The following CTTNBP2 variants were observed in gnomAD, a reference collection of about 807,000 sequenced individuals.
CTTNBP2 encodes the protein cortactin-binding protein 2.
CTTNBP2 carries 108 observed loss-of-function variants against 156.9 expected under a neutral mutation model. The ratio of observed to expected loss-of-function variants is 0.69; its 90% CI spans 0.59 to 0.81. The LOEUF (loss-of-function observed/expected upper bound fraction) is 0.81, where lower values mean the gene tolerates loss of function less well. Ranked by LOEUF, CTTNBP2 falls within the 30% of genes least tolerant of loss-of-function variation. The pLI, the probability that CTTNBP2 is intolerant of heterozygous loss-of-function variation, is 0.00. For synonymous variants in CTTNBP2, 767 were observed against 751.8 expected (o/e 1.02, Z -0.33); for missense variants, 1,924 against 2,035.4 (o/e 0.95, Z 1.05).
In CTTNBP2 at chr7:117,791,895, T is replaced by A. The variant is rs1799040245; in HGVS notation, c.1301A>T (p.Asn434Ile). The A allele has an allele frequency of 6.2e-7, 1 of 1,614,064 alleles. No individual in the cohort carries two copies. The highest frequency in any genetic ancestry group is 1.7e-5 in the Admixed American group (1 of 60,006). Reference protein sequence around the residue: ...PMHSLHSPCANTSLHPGLNPR... With the variant: ...PMHSLHSPCAITSLHPGLNPR... ...GTTTAGACCTGGATGCAAAGAGGTG[T>A]TGGCACATGGTGAATGTAAACTGTG... Residue 434 changes from asparagine (N) to isoleucine (I), a missense_variant, in exon 4 of 23, where the codon AAC (asparagine) becomes ATC (isoleucine). Physicochemically the swap from Asn to Ile is moderately radical, Grantham distance 149. Coordinates refer to ENST00000160373, the MANE Select transcript of CTTNBP2 (RefSeq NM_033427.3).
intron 2 of CTTNBP2, among the ~76,000 whole-genome samples, chr7:117,819,134 G>A (rs1295470529): frequency 6.6e-6 from 1 of 152,070 alleles, no homozygotes; most frequent in African/African-American, 2.4e-5. Flanking sequence ...CTATCCAGCT[G>A]TAACTCTCTG....
At chr7:117,823,397 C>T (rs1801085598) in intron 2 of CTTNBP2, among the ~76,000 whole-genome samples, 1 of 151,942 alleles carries the variant, frequency 6.6e-6, no homozygotes, top group African/African-American at 2.4e-5. Flanking sequence ...TTAAAATTTG[C>T]TTTAATAGCT....
intron 2 of CTTNBP2, among the ~76,000 whole-genome samples, chr7:117,836,004 T>A (rs1281971427): frequency 6.6e-6 from 1 of 152,204 alleles, no homozygotes; most frequent in Non-Finnish European, 1.5e-5. Flanking sequence ...ACAGGCCATG[T>A]TGCCTGACAC....
intron 19 of CTTNBP2, among the ~76,000 whole-genome samples, chr7:117,721,923 A>G (rs73473619): frequency 0.015 from 2,298 of 152,348 alleles, 54 homozygotes; most frequent in African/African-American, 0.052. Context: ...GCATTAAAAC[A>G]GTTGCTTTTG....
At position 117,792,461 on chromosome 7, in the gene CTTNBP2, C is replaced by A. The variant is rs141676052; in HGVS notation, c.735G>T (p.Leu245=). 1.2e-5 allele frequency: 19 copies of A among 1,614,204 alleles called. No individual in the cohort carries two copies. Among genetic ancestry groups the A allele is most frequent in the Non-Finnish European group, 1.6e-5 (19 of 1,180,046 alleles). ...DTEREQLRAK[L]NREEAHTTDL... is the part of the protein sequence containing the mutation. ...CAGTGGTGTGTGCTTCTTCCCGGTT[C>A]AGCTTGGCACGAAGCTGTTCCCGCT... is the stretch of plus-strand genomic sequence containing the variant. Residue 245 remains leucine (L), a synonymous_variant, in exon 4 of 23, where the codon CTG becomes CTT. Transcript: ENST00000160373. The surrounding 1 kb of genome is among the most constrained non-coding windows in gnomAD (Gnocchi z 4.2).
intron 2 of CTTNBP2, among the ~76,000 whole-genome samples, chr7:117,823,706 G>GT (rs758133068): frequency 2.4e-4 from 36 of 152,026 alleles, no homozygotes; most frequent in Non-Finnish European, 4.6e-4. Flanking sequence ...GACACTTTTC[G>GT]TTTGTTTTTG....
intron 3 of CTTNBP2, among the ~76,000 whole-genome samples, chr7:117,798,367 G>C (rs1799436511): frequency 6.6e-6 from 1 of 152,036 alleles, no homozygotes; most frequent in African/African-American, 2.4e-5. Flanking sequence ...GATTTCGAAA[G>C]GCTAAAATCT....
intron 8 of CTTNBP2, among the ~76,000 whole-genome samples, chr7:117,773,944 C>T (rs1050470661): frequency 6.6e-6 from 1 of 152,046 alleles, no homozygotes; most frequent in African/African-American, 2.4e-5. Flanking sequence ...TTCATGCAGT[C>T]CCCCCAGTGA....
chr7:117,826,826 CATTATTATTATTATTATTATT>C (rs71984775), intron 2 of CTTNBP2, among the ~76,000 whole-genome samples: 263 of 140,242 alleles, frequency 1.9e-3, no homozygotes, highest in Middle Eastern at 0.011. Context: ...TTCTACTGAG[CATTATTATTATTATTATTATT>C]ATTATTATTA....
chr7:117,737,343 T>C (rs1795761454), intron 14 of CTTNBP2, among the ~76,000 whole-genome samples: 1 of 152,230 alleles, frequency 6.6e-6, no homozygotes, highest in Non-Finnish European at 1.5e-5. Context: ...TTTATGTATC[T>C]GGTTTTCTGT....
At position 117,777,616 on chromosome 7, in the gene CTTNBP2, C is replaced by T; in HGVS notation, c.2673G>A (p.Glu891=). 1 of 1,613,998 alleles carries T rather than the reference C, an allele frequency of 6.2e-7. No homozygotes were observed. ...SSVFDLDGGE[E]SPEGISKPVV... ...CAGGCTTGGATATGCCTTCAGGACTCTCTTCTCCTCCATCCAAGTCAAAGA... is the reference window on the plus strand; with the variant it reads ...CAGGCTTGGATATGCCTTCAGGACTTTCTTCTCCTCCATCCAAGTCAAAGA... The change falls in exon 8 of 23, where the codon GAG becomes GAA. Residue 891 remains glutamate (E), a synonymous_variant. Coordinates refer to ENST00000160373, the MANE Select transcript of CTTNBP2 (RefSeq NM_033427.3).
intron 1 of CTTNBP2, among the ~76,000 whole-genome samples, chr7:117,861,939 T>C (rs751064535): frequency 2.6e-5 from 4 of 151,960 alleles, no homozygotes; most frequent in Non-Finnish European, 4.4e-5. Flanking sequence ...AAATGTCAGA[T>C]GACTGGGTAA....
At chr7:117,807,541 CTACTT>C (rs1800019522) in intron 3 of CTTNBP2, among the ~76,000 whole-genome samples, 1 of 152,226 alleles carries the variant, frequency 6.6e-6, no homozygotes, top group Non-Finnish European at 1.5e-5. Context: ...GGAGAATTCT[CTACTT>C]TATGATTCTC....
At chr7:117,799,305 T>C (rs1799485679) in intron 3 of CTTNBP2, among the ~76,000 whole-genome samples, 1 of 151,784 alleles carries the variant, frequency 6.6e-6, no homozygotes, top group African/African-American at 2.4e-5. Flanking sequence ...AAAAAAGTAA[T>C]AAAAAGGTGA....
intron 6 of CTTNBP2, among the ~76,000 whole-genome samples, chr7:117,782,385 A>G (rs1465904605): frequency 1.3e-5 from 2 of 152,220 alleles, no homozygotes; most frequent in African/African-American, 4.8e-5. Flanking sequence ...TGTAAAATTC[A>G]TGCTTCCATT....
intron 2 of CTTNBP2, among the ~76,000 whole-genome samples, chr7:117,824,763 G>C (rs13225727): frequency 2.4e-4 from 37 of 152,124 alleles, no homozygotes; most frequent in Non-Finnish European, 4.4e-4. Context: ...TCACAATCTG[G>C]CTTCCTTCAC....
At chr7:117,812,077 T>A (rs905167713) in intron 2 of CTTNBP2, among the ~76,000 whole-genome samples, 2 of 152,002 alleles carry the variant, frequency 1.3e-5, no homozygotes, top group African/African-American at 4.8e-5. Flanking sequence ...GTTCACAGAA[T>A]CCCAGGAAAG....
chr7:117,718,951 T>A (rs1317160875), intron 21 of CTTNBP2, among the ~76,000 whole-genome samples: 1 of 152,124 alleles, frequency 6.6e-6, no homozygotes, highest in African/African-American at 2.4e-5. Flanking sequence ...AATCCCAGCA[T>A]TTTGGGAGGC....
In CTTNBP2 at chr7:117,792,683, G is replaced by T; in HGVS notation, c.513C>A (p.Val171=). 1 of 1,613,880 alleles carries T rather than the reference G, an allele frequency of 6.2e-7. No homozygotes were observed. Among genetic ancestry groups the T allele is most frequent in the Non-Finnish European group, 8.5e-7 (1 of 1,179,964 alleles). ...EEERGKNKQV[V]LMLVKECKQL... The stretch of plus-strand genomic sequence containing the variant: ...GCTTGCACTCTTTGACCAGCATCAG[G>T]ACCACCTGCTTGTTCTTGCCACGCT... The change falls in exon 4 of 23, where the codon GTC becomes GTA. Residue 171 remains valine, a synonymous_variant. Transcript: ENST00000160373. This position sits in a 1 kb window ranked among gnomAD's most constrained non-coding sequence, Gnocchi z 4.2.
Sources: gnomAD v4.1 joint callset for allele counts (sites outside exome capture counted in the v4.1 genomes callset) on GRCh38, gnomAD v4.1.1 for gene constraint, Gnocchi (gnomAD v3.1) non-coding constraint, MANE v1.5 for transcripts, NCBI Gene and HGNC (gene_info 2026-07-23, HGNC 2026-07-21) for gene names.